Variants in ARPP19 observed in about 807,000 individuals in gnomAD.
The protein encoded by ARPP19 is cAMP-regulated phosphoprotein 19.
ARPP19 carries 8 observed loss-of-function variants against 12.0 expected under a neutral mutation model. That is an observed-to-expected ratio of 0.67 (90% confidence interval 0.39 to 1.21). ARPP19 has a LOEUF of 1.21. ARPP19 is among the 50% of genes most tolerant of loss of function. The pLI, the probability that ARPP19 is intolerant of heterozygous loss-of-function variation, is 0.01. For synonymous variants in ARPP19, 47 were observed against 50.4 expected (o/e 0.93, Z 0.29); for missense variants, 102 against 136.3 (o/e 0.75, Z 1.25).
intron 2 of ARPP19, among the ~76,000 whole-genome samples, chr15:52,553,042 A>G (rs2077950151): frequency 6.6e-6 from 1 of 152,018 alleles, no homozygotes; most frequent in Admixed American, 6.6e-5. Context: ...GTGCCACTGC[A>G]CTCCAGCCTG....
At position 52,549,279 on chromosome 15, in the gene ARPP19, C is replaced by T. The variant is rs1231974386; in HGVS notation, c.*2655G>A. 4 of 152,292 alleles carry T rather than the reference C, an allele frequency of 2.6e-5. No individual in the cohort carries two copies. In the East Asian group the frequency reaches 7.7e-4, roughly 29 times the overall value. 9.4% of individuals were successfully genotyped at this position (152,292 alleles called of 1,614,324 possible). On this transcript the variant is annotated 3_prime_UTR_variant, in exon 3 of 3. Coordinates refer to ENST00000249822, the MANE Select transcript of ARPP19 (RefSeq NM_006628.6). ...AAATTGTAAGAAATGGACAATTAAG[C>T]TCACTAGTCAAAATCTTGATTCAAG...
chr15:52,558,519 AGAT>A (rs2078003685), intron 1 of ARPP19, among the ~76,000 whole-genome samples: 1 of 151,644 alleles, frequency 6.6e-6, no homozygotes, highest in Non-Finnish European at 1.5e-5. Flanking sequence ...AGCTGTACTG[AGAT>A]AGATAAACCG....
At chr15:52,568,676 A>T in intron 1 of ARPP19, 172 bp downstream of exon 1, 1 of 492,760 alleles carries the variant, frequency 2.0e-6, no homozygotes, top group Non-Finnish European at 3.6e-6. Flanking sequence ...GGAACTCCCA[A>T]TTCGTCGGCG....
At chr15:52,569,065 C>A, upstream of ARPP19, 1 of 576,028 alleles carries the variant, frequency 1.7e-6, no homozygotes, top group Non-Finnish European at 3.0e-6. Context: ...CTGGCCAAGG[C>A]CCTCGCACGC....
At chr15:52,567,126 G>T (rs910430588) in intron 1 of ARPP19, among the ~76,000 whole-genome samples, 2 of 152,176 alleles carry the variant, frequency 1.3e-5, no homozygotes, top group African/African-American at 4.8e-5. Flanking sequence ...TTTTCTTCAT[G>T]GTTAGGGACA....
chr15:52,563,476 A>T (rs2078054060), intron 1 of ARPP19, among the ~76,000 whole-genome samples: 1 of 152,226 alleles, frequency 6.6e-6, no homozygotes, highest in Non-Finnish European at 1.5e-5. Flanking sequence ...AGTATTTTTA[A>T]TAATAGTTAT....
At chr15:52,558,800 A>C (rs1166087302) in intron 1 of ARPP19, among the ~76,000 whole-genome samples, 2 of 150,640 alleles carry the variant, frequency 1.3e-5, no homozygotes, top group Non-Finnish European at 3.0e-5. Flanking sequence ...AAAAAAAAAA[A>C]GATGAAGATC....
At position 52,547,828 on chromosome 15, in the gene ARPP19, G is replaced by C. The variant is rs2077891917; in HGVS notation, c.*4106C>G. 1 of 152,168 alleles carries C rather than the reference G, an allele frequency of 6.6e-6. No individual in the cohort carries two copies. Among genetic ancestry groups the C allele is most frequent in the Non-Finnish European group, 1.5e-5 (1 of 68,034 alleles). 9.4% of individuals were successfully genotyped at this position (152,168 alleles called of 1,614,324 possible). ...AATGTGTCCTAAATTGTGGCATATT[G>C]AAAACGATATTAAGGAACAATGACT... is the stretch of plus-strand genomic sequence containing the variant. On this transcript the variant is annotated 3_prime_UTR_variant, in exon 3 of 3. Coordinates refer to ENST00000249822, the MANE Select transcript of ARPP19 (RefSeq NM_006628.6).
chr15:52,568,916 G>C lies in ARPP19; in HGVS notation c.-24C>G. ...ATAGTGCTCCCTCTGCAGACGAGAC[G>C]CCGGGAAAAGATGCAATTAGCGGGT... On this transcript the variant is annotated 5_prime_UTR_variant, in exon 1 of 3. Coordinates refer to ENST00000249822, the MANE Select transcript of ARPP19 (RefSeq NM_006628.6). 1.9e-6 allele frequency: 3 copies of C among 1,558,380 alleles called. No individual in the cohort carries two copies. Among genetic ancestry groups the C allele is most frequent in the Non-Finnish European group, 2.6e-6 (3 of 1,152,930 alleles).
intron 2 of ARPP19, among the ~76,000 whole-genome samples, chr15:52,554,010 G>A (rs1595861695): frequency 1.3e-5 from 2 of 152,344 alleles, no homozygotes; most frequent in Admixed American, 1.3e-4. Context: ...GTTTTAAAAT[G>A]AGCAGACAGA....
intron 2 of ARPP19, among the ~76,000 whole-genome samples, chr15:52,553,376 C>G (rs745954629): frequency 2.0e-4 from 30 of 152,044 alleles, no homozygotes; most frequent in Non-Finnish European, 7.4e-5. Context: ...CACTAACATG[C>G]AAATTGTGAT....
At chr15:52,556,557 T>C (rs995300112) in intron 2 of ARPP19, among the ~76,000 whole-genome samples, 5 of 152,134 alleles carry the variant, frequency 3.3e-5, no homozygotes, top group Non-Finnish European at 7.4e-5. Flanking sequence ...ACATATTACA[T>C]AAAGGAGATA....
In ARPP19 at chr15:52,568,896, G is replaced by A. The variant is rs750469297; in HGVS notation, c.-4C>T. 5.1e-6 allele frequency: 8 copies of A among 1,556,328 alleles called. No homozygotes were observed. Among genetic ancestry groups the A allele is most frequent in the African/African-American group, 2.9e-5 (2 of 69,590 alleles). On this transcript the variant is annotated 5_prime_UTR_variant, in exon 1 of 3. Coordinates refer to ENST00000249822, the MANE Select transcript of ARPP19 (RefSeq NM_006628.6). The stretch of plus-strand genomic sequence containing the variant: ...CCTCGGGGACTTCCGCAGACATAGT[G>A]CTCCCTCTGCAGACGAGACGCCGGG...
At chr15:52,563,348 C>G (rs1315914642) in intron 1 of ARPP19, among the ~76,000 whole-genome samples, 1 of 152,060 alleles carries the variant, frequency 6.6e-6, no homozygotes, top group Admixed American at 6.6e-5. Context: ...GAACTTTTGG[C>G]TATTGGCTAC....
At position 52,568,896 on chromosome 15, in the gene ARPP19, G is replaced by T. The variant is rs750469297; in HGVS notation, c.-4C>A. 1 of 1,556,328 alleles carries T rather than the reference G, an allele frequency of 6.4e-7. No individual in the cohort carries two copies. The highest frequency in any genetic ancestry group is 1.4e-5 in the African/African-American group (1 of 69,590). ...CCTCGGGGACTTCCGCAGACATAGT[G>T]CTCCCTCTGCAGACGAGACGCCGGG... On this transcript the variant is annotated 5_prime_UTR_variant, in exon 1 of 3. Transcript: ENST00000249822.
At chr15:52,563,931 A>G (rs117144506) in intron 1 of ARPP19, among the ~76,000 whole-genome samples, 3,788 of 152,348 alleles carry the variant, frequency 0.025, 57 homozygotes, top group Non-Finnish European at 0.034. Flanking sequence ...TGAATGTTCA[A>G]TAAAAGTTCA....
chr15:52,569,349 G>C (rs2078120183), upstream of ARPP19: 1 of 198,608 alleles, frequency 5.0e-6, no homozygotes, highest in Admixed American at 6.5e-5. Context: ...TGTTCTCCTC[G>C]CTCTCCGCTC....
chr15:52,557,002 A>G (rs1173150859), intron 2 of ARPP19, 98 bp downstream of exon 2: 6 of 1,317,088 alleles, frequency 4.6e-6, no homozygotes, highest in Non-Finnish European at 4.2e-6. Context: ...CATACCTGAT[A>G]AAGTACAATG....
At chr15:52,552,396 C>A (rs2077941481) in intron 2 of ARPP19, among the ~76,000 whole-genome samples, 1 of 151,450 alleles carries the variant, frequency 6.6e-6, no homozygotes, top group African/African-American at 2.4e-5. Context: ...ATGGCGAAAC[C>A]CTGTCTCTAC....
Sources: gnomAD v4.1 joint callset for allele counts (sites outside exome capture counted in the v4.1 genomes callset) on GRCh38, gnomAD v4.1.1 for gene constraint, MANE v1.5 for transcripts, NCBI Gene and HGNC (gene_info 2026-07-23, HGNC 2026-07-21) for gene names.